The following TCP11 variants were observed in gnomAD, a reference collection of about 807,000 sequenced individuals.
TCP11 encodes the protein T-complex protein 11 homolog.
Under a neutral mutation model 45.0 loss-of-function variants are expected in TCP11, and 34 were observed. The observed-to-expected ratio is 0.76, with a 90% confidence interval of 0.57 to 1.01. The LOEUF is 1.01. Ranked by LOEUF, TCP11 falls within the 50% of genes least tolerant of loss-of-function variation. The probability of loss-of-function intolerance (pLI) is 0.00; values close to 1 mark genes in which losing one functional copy is unlikely to be tolerated. For missense variants in TCP11, 523 were observed against 598.1 expected (o/e 0.87, Z 1.31); for synonymous variants, 227 against 227.0 (o/e 1.00, Z 0.00).
At chr6:35,137,911 AT>A in intron 2 of TCP11, 1 of 403,804 alleles carries the variant, frequency 2.5e-6, no homozygotes, top group Middle Eastern at 3.5e-4. Flanking sequence ...TAAATGTATA[AT>A]TTTTCTATAG....
chr6:35,129,207 T>C lies in TCP11; in HGVS notation c.237-25A>G, dbSNP rs749940636. On this transcript the variant is annotated intron_variant, in intron 3 of 9. Transcript: ENST00000311875. ...ACTATAAGAGGGTTAAATGAGCAGA[T>C]TACTCTCTCAACCCAAAAACAGTTA... 5.6e-6 allele frequency: 9 copies of C among 1,601,698 alleles called. No individual in the cohort carries two copies. In the Admixed American group the frequency reaches 7.0e-5, roughly 13 times the overall value.
intron 8 of TCP11, 95 bp from the exon 9 acceptor site, chr6:35,119,486 G>A: frequency 6.8e-7 from 1 of 1,459,960 alleles, no homozygotes; most frequent in Non-Finnish European, 9.2e-7. Flanking sequence ...AGGCCCACTT[G>A]AGGGAGAATG....
In TCP11 at chr6:35,120,547, G is replaced by C. The variant is rs753303993; in HGVS notation, c.815C>G (p.Ala272Gly). ...GGCTGCCTCATTGGGAGAGGGGCCA[G>C]CCACACTGGAGGAGTCAGAAGTGTC... ...CPDTSDSSSV[A>G]GPSPNEAANN... is the part of the protein sequence containing the mutation. Residue 272 changes from alanine (A) to glycine (G), a missense_variant, in exon 7 of 10, where the codon GCT (alanine) becomes GGT (glycine). Ala to Gly is a moderately conservative substitution (Grantham distance 60). This residue lies in a region of TCP11 where 298 missense variants were observed against 387.9 expected (regional missense o/e 0.77). Coordinates refer to ENST00000311875, the MANE Select transcript of TCP11 (RefSeq NM_001370687.1). This position sits in a 1 kb window ranked among gnomAD's most constrained non-coding sequence, Gnocchi z 4.9. The C allele has an allele frequency of 3.7e-6, 6 of 1,614,030 alleles. No individual in the cohort carries two copies. Among genetic ancestry groups the C allele is most frequent in the Non-Finnish European group, 5.1e-6 (6 of 1,180,040 alleles).
In TCP11 at chr6:35,140,894, G is replaced by A. The variant is rs778217775; in HGVS notation, c.-14-10C>T. On this transcript the variant is annotated splice_polypyrimidine_tract_variant and intron_variant, in intron 1 of 9. Transcript: ENST00000311875. Reference sequence around the variant, plus strand: ...ATTTTGCTGATGGTATCTGGGTGAGGGAGAAAGGCGTGTTGTTGGCGTCGG... The same window carrying A: ...ATTTTGCTGATGGTATCTGGGTGAGAGAGAAAGGCGTGTTGTTGGCGTCGG... 1.3e-6 allele frequency: 2 copies of A among 1,557,742 alleles called. No homozygotes were observed. Among genetic ancestry groups the A allele is most frequent in the Non-Finnish European group, 8.6e-7 (1 of 1,156,908 alleles).
chr6:35,140,876 T>A lies in TCP11; in HGVS notation c.-6A>T. ...CTCTCCTTGACGTCTGGCATTTTGC[T>A]GATGGTATCTGGGTGAGGGAGAAAG... On this transcript the variant is annotated 5_prime_UTR_variant, in exon 2 of 10. Coordinates refer to ENST00000311875, the MANE Select transcript of TCP11 (RefSeq NM_001370687.1). 1 of 1,573,922 alleles carries A rather than the reference T, an allele frequency of 6.4e-7. No individual in the cohort carries two copies. Among genetic ancestry groups the A allele is most frequent in the Non-Finnish European group, 8.6e-7 (1 of 1,163,308 alleles).
chr6:35,123,165 C>T (rs1779471303), intron 4 of TCP11, among the ~76,000 whole-genome samples: 1 of 152,216 alleles, frequency 6.6e-6, no homozygotes, highest in Admixed American at 6.5e-5. Flanking sequence ...ATGCTCCTCT[C>T]AGCAAGCTCC....
chr6:35,123,451 T>TA (rs34229256), intron 4 of TCP11, among the ~76,000 whole-genome samples: 54,839 of 151,052 alleles, frequency 0.36, 12,492 homozygotes, highest in Middle Eastern at 0.49. Flanking sequence ...CACCCACCAT[T>TA]AAAAAAAAGG....
At chr6:35,125,915 G>T (rs1779772521) in intron 4 of TCP11, among the ~76,000 whole-genome samples, 1 of 152,090 alleles carries the variant, frequency 6.6e-6, no homozygotes, top group African/African-American at 2.4e-5. Flanking sequence ...AAACTAAAAG[G>T]ACAAATATTG....
intron 3 of TCP11, among the ~76,000 whole-genome samples, chr6:35,134,285 T>G (rs1023296586): frequency 1.4e-5 from 2 of 139,558 alleles, no homozygotes; most frequent in African/African-American, 2.9e-5. Flanking sequence ...TTTTTTTTTT[T>G]TTTTTTTTTG....
intron 3 of TCP11, among the ~76,000 whole-genome samples, chr6:35,130,348 T>G (rs1177636390): frequency 6.6e-6 from 1 of 152,168 alleles, no homozygotes; most frequent in Non-Finnish European, 1.5e-5. Context: ...AAAAAATTGC[T>G]AAGTTGGACT....
Position 35,120,102 on chromosome 6 carries a change from C to T in TCP11, c.1115+57G>A, listed in dbSNP as rs557790962. The stretch of plus-strand genomic sequence containing the variant: ...CAGTAAGCAATCGTTCATTACCTGC[C>T]TATGTTCTAAATACCACATATCACC... On this transcript the variant is annotated intron_variant, in intron 8 of 9. Transcript: ENST00000311875. The surrounding 1 kb of genome is among the most constrained non-coding windows in gnomAD (Gnocchi z 4.9). 1 of 1,566,864 alleles carries T rather than the reference C, an allele frequency of 6.4e-7. No individual in the cohort carries two copies. Among genetic ancestry groups the T allele is most frequent in the South Asian group, 1.2e-5 (1 of 82,544 alleles).
intron 4 of TCP11, among the ~76,000 whole-genome samples, chr6:35,123,385 C>T (rs765541651): frequency 7.2e-5 from 11 of 152,042 alleles, no homozygotes; most frequent in Non-Finnish European, 1.6e-4. Flanking sequence ...TTTCAGTGGT[C>T]AGGAGCTTTT....
intron 2 of TCP11, chr6:35,139,912 G>T: frequency 8.3e-7 from 1 of 1,206,240 alleles, no homozygotes; most frequent in Non-Finnish European, 1.2e-6. Flanking sequence ...TTTTAAAAAG[G>T]AATTTGATTA....
At position 35,136,109 on chromosome 6, in the gene TCP11, G is replaced by A; in HGVS notation, c.234C>T (p.Ser78=). Residue 78 remains serine, a splice_region_variant and synonymous_variant, in exon 3 of 10, where the codon AGC becomes AGT. Coordinates refer to ENST00000311875, the MANE Select transcript of TCP11 (RefSeq NM_001370687.1). The part of the protein sequence containing the change: ...YYMEEKVLPP[S]SLEGKVKETV... Reference sequence around the variant, plus strand: ...GAAGAAAGAAGAAGAGTCTATACCTGCTTGGAGGTAAAACCTTCTCTTCCA... The same window carrying A: ...GAAGAAAGAAGAAGAGTCTATACCTACTTGGAGGTAAAACCTTCTCTTCCA... The A allele has an allele frequency of 6.2e-7, 1 of 1,612,434 alleles. No individual in the cohort carries two copies.
chr6:35,119,379 A>G lies in TCP11; in HGVS notation c.1128T>C (p.Ala376=). The part of the protein sequence containing the change: ...LEDFHSRPEE[A]ILTVSEQVSQ... ...ATACCTGTTCACTCACAGTCAGTAT[A>G]GCTTCCTCAGGCCTAGACCATGAAA... The change falls in exon 9 of 10, where the codon GCT becomes GCC. Residue 376 remains alanine, a synonymous_variant. Transcript: ENST00000311875. The G allele has an allele frequency of 6.2e-7, 1 of 1,614,182 alleles. No individual in the cohort carries two copies. The highest frequency in any genetic ancestry group is 2.2e-5 in the East Asian group (1 of 44,890).
intron 3 of TCP11, 132 bp from the exon 4 acceptor site, chr6:35,129,314 T>C (rs1780160646): frequency 8.7e-7 from 1 of 1,145,496 alleles, no homozygotes; most frequent in Admixed American, 3.0e-5. Flanking sequence ...CCAGGAACTA[T>C]GTTGGAACTG....
Position 35,122,297 on chromosome 6 carries a change from C to T in TCP11, c.398G>A (p.Arg133Lys), listed in dbSNP as rs558253635. ...GTCCAGAGCTTCTTCAATCTCAATT[C>T]TCAGGCGGTTCTGGCGTGGTAATAG... ...SLLLPRQNRL[R>K]IEIEEALDMD... The change falls in exon 5 of 10, where the codon AGA becomes AAA. Residue 133 changes from arginine to lysine, a missense_variant. Transcript: ENST00000311875. 6.2e-7 allele frequency: 1 copy of T among 1,614,142 alleles called. No homozygotes were observed. Among genetic ancestry groups the T allele is most frequent in the African/African-American group, 1.3e-5 (1 of 75,030 alleles).
chr6:35,122,900 T>G (rs1210455775), intron 4 of TCP11, among the ~76,000 whole-genome samples: 2 of 152,200 alleles, frequency 1.3e-5, no homozygotes, highest in East Asian at 3.8e-4. Context: ...TAGCAAGATC[T>G]CAACTGTTTA....
intron 3 of TCP11, among the ~76,000 whole-genome samples, chr6:35,133,451 G>A (rs576047492): frequency 3.5e-4 from 53 of 151,950 alleles, no homozygotes; most frequent in African/African-American, 1.3e-3. Context: ...CCAAAGTGCC[G>A]GGATTACAGG....
Sources: gnomAD v4.1 joint callset for allele counts (sites outside exome capture counted in the v4.1 genomes callset) on GRCh38, gnomAD v4.1.1 for gene constraint, gnomAD v4.1.1 regional missense constraint, Gnocchi (gnomAD v3.1) non-coding constraint, MANE v1.5 for transcripts, NCBI Gene and HGNC (gene_info 2026-07-23, HGNC 2026-07-21) for gene names.